The following MAN2A1 variants were observed in gnomAD, a reference collection of about 807,000 sequenced individuals.
MAN2A1 encodes mannosidase alpha class 2A member 1.
A neutral mutation model predicts 142.6 loss-of-function variants in MAN2A1; 76 were observed. The ratio of observed to expected loss-of-function variants is 0.53; its 90% confidence interval spans 0.44 to 0.65. The LOEUF (loss-of-function observed/expected upper bound fraction) is 0.65, where lower values mean the gene tolerates loss of function less well. Among genes scored for constraint, MAN2A1 ranks in the 30% least tolerant of loss-of-function variants. MAN2A1 has a pLI of 0.00. For missense variants in MAN2A1, 1,311 were observed against 1,365.1 expected (o/e 0.96, Z 0.62); for synonymous variants, 559 against 473.2 (o/e 1.18, Z -2.35).
chr5:109,730,835 G>C (rs1247877969), intron 4 of MAN2A1, among the ~76,000 whole-genome samples: 1 of 152,150 alleles, frequency 6.6e-6, no homozygotes, highest in Non-Finnish European at 1.5e-5. Context: ...AGTCCAGGCT[G>C]TCCACCTCCA....
In MAN2A1 at chr5:109,789,493, C is replaced by CA; in HGVS notation, c.1916dup (p.Asn639LysfsTer16). On this transcript the variant is annotated frameshift_variant, in exon 12 of 22. Transcript: ENST00000261483. LOFTEE classifies it high-confidence loss of function. ...ACAAAAATCACAAGATTCTCTGCCACAAAAAAATATAATAAGGCTGAGTGC... is the reference window on the plus strand; with the variant it reads ...ACAAAAATCACAAGATTCTCTGCCACAAAAAAAATATAATAAGGCTGAGTGC... 1.3e-6 allele frequency: 2 copies of CA among 1,588,874 alleles called. No individual in the cohort carries two copies. The highest frequency in any genetic ancestry group is 1.1e-5 in the South Asian group (1 of 87,390).
chr5:109,822,605 C>T (rs1258107507), intron 15 of MAN2A1, among the ~76,000 whole-genome samples: 1 of 151,852 alleles, frequency 6.6e-6, no homozygotes. Flanking sequence ...AACCATTAAG[C>T]ATTTTAATAA....
intron 3 of MAN2A1, among the ~76,000 whole-genome samples, chr5:109,720,804 G>A (rs929355573): frequency 1.2e-4 from 18 of 152,238 alleles, no homozygotes; most frequent in Non-Finnish European, 1.3e-4. Context: ...TTGATGAGAG[G>A]TGGTGGAGAC....
intron 15 of MAN2A1, 94 bp downstream of exon 15, chr5:109,820,436 T>C: frequency 7.9e-7 from 1 of 1,258,902 alleles, no homozygotes. Context: ...TTATCATCTG[T>C]TGATTTATTA....
chr5:109,762,923 G>A (rs1179728587), intron 5 of MAN2A1, among the ~76,000 whole-genome samples: 3 of 152,182 alleles, frequency 2.0e-5, no homozygotes, highest in African/African-American at 7.2e-5. Context: ...ATATTCTGAT[G>A]AGCAAAGCAG....
intron 16 of MAN2A1, among the ~76,000 whole-genome samples, chr5:109,833,608 G>A (rs574797629): frequency 2.0e-5 from 3 of 149,806 alleles, no homozygotes; most frequent in Admixed American, 1.3e-4. Context: ...GCAGTGAGCC[G>A]AGATGGCAGC....
At chr5:109,844,728 A>G (rs1255938052) in intron 17 of MAN2A1, among the ~76,000 whole-genome samples, 1 of 152,174 alleles carries the variant, frequency 6.6e-6, no homozygotes, top group Non-Finnish European at 1.5e-5. Context: ...TTGTGTATGC[A>G]TCACTCCCAT....
At chr5:109,854,059 A>T (rs1755548280) in intron 19 of MAN2A1, 2 of 152,268 alleles carry the variant, frequency 1.3e-5, no homozygotes, top group African/African-American at 4.8e-5. Flanking sequence ...TATCTCTATA[A>T]ATCCTGTCTT....
intron 19 of MAN2A1, among the ~76,000 whole-genome samples, chr5:109,853,101 T>C (rs1322612584): frequency 6.6e-6 from 1 of 152,208 alleles, no homozygotes; most frequent in African/African-American, 2.4e-5. Flanking sequence ...ATTGTTTCCT[T>C]TTAGAAGACT....
intron 1 of MAN2A1, among the ~76,000 whole-genome samples, chr5:109,700,455 A>G (rs1750946511): frequency 6.6e-6 from 1 of 152,198 alleles, no homozygotes; most frequent in Non-Finnish European, 1.5e-5. Context: ...TTCATACCAC[A>G]GATGTAGAGG....
At chr5:109,820,073 G>A in intron 14 of MAN2A1, 147 bp from the exon 15 acceptor site, 1 of 784,498 alleles carries the variant, frequency 1.3e-6, no homozygotes, top group East Asian at 2.6e-5. Flanking sequence ...TAGTCTGTGG[G>A]TGGCGCTACT....
chr5:109,738,849 TTTTG>T (rs1182196067), intron 4 of MAN2A1, among the ~76,000 whole-genome samples: 1 of 152,120 alleles, frequency 6.6e-6, no homozygotes, highest in Non-Finnish European at 1.5e-5. Context: ...TTCTTTTAGT[TTTTG>T]TTTTTTTTTG....
intron 12 of MAN2A1, among the ~76,000 whole-genome samples, chr5:109,792,399 C>T (rs867106610): frequency 3.9e-5 from 6 of 151,962 alleles, no homozygotes; most frequent in Admixed American, 6.6e-5. Flanking sequence ...ATTACTTCAA[C>T]AGCTTCTTAC....
intron 19 of MAN2A1, among the ~76,000 whole-genome samples, chr5:109,853,328 C>T (rs1755529931): frequency 6.6e-6 from 1 of 152,110 alleles, no homozygotes; most frequent in Admixed American, 6.5e-5. Flanking sequence ...CAGGACCCCA[C>T]CTCTCAAGAT....
chr5:109,706,412 G>GT (rs1751133500), intron 1 of MAN2A1, among the ~76,000 whole-genome samples: 1 of 152,166 alleles, frequency 6.6e-6, no homozygotes, highest in Non-Finnish European at 1.5e-5. Context: ...TTACTTGTTG[G>GT]CAGGTCCTGT....
intron 4 of MAN2A1, among the ~76,000 whole-genome samples, chr5:109,733,000 G>GGTAGA (rs1289578645): frequency 4.6e-5 from 7 of 152,264 alleles, no homozygotes; most frequent in Admixed American, 3.9e-4. Flanking sequence ...CATGAGCATG[G>GGTAGA]AATGTTCTTC....
At chr5:109,837,189 TG>T (rs1477519756) in intron 16 of MAN2A1, among the ~76,000 whole-genome samples, 1 of 150,952 alleles carries the variant, frequency 6.6e-6, no homozygotes, top group Non-Finnish European at 1.5e-5. Context: ...GGGGAGGAAC[TG>T]CTGTGCAATA....
intron 21 of MAN2A1, chr5:109,865,398 G>A (rs533766920): frequency 5.3e-5 from 23 of 434,988 alleles, no homozygotes; most frequent in Middle Eastern, 1.3e-3. Context: ...TATTTCCTAG[G>A]CCTTCTATTT....
intron 1 of MAN2A1, among the ~76,000 whole-genome samples, chr5:109,694,170 A>T (rs1750748510): frequency 6.6e-6 from 1 of 152,254 alleles, no homozygotes; most frequent in Non-Finnish European, 1.5e-5. Context: ...ATATGACCGT[A>T]GAGATTAATA....
Sources: gnomAD v4.1 joint callset for allele counts (sites outside exome capture counted in the v4.1 genomes callset) on GRCh38, gnomAD v4.1.1 for gene constraint, MANE v1.5 for transcripts, NCBI Gene and HGNC (gene_info 2026-07-23, HGNC 2026-07-21) for gene names.